The following KCNH1 variants were observed in gnomAD, a reference collection of about 807,000 sequenced individuals.
KCNH1 encodes the protein potassium voltage-gated channel subfamily H member 1, also known as voltage-gated delayed rectifier potassium channel KCNH1.
Under a neutral mutation model 69.2 loss-of-function variants are expected in KCNH1, and 27 were observed. That is an observed-to-expected ratio of 0.39 (90% CI 0.29 to 0.54). KCNH1 has a LOEUF of 0.54. Ranked by LOEUF, KCNH1 falls within the 20% of genes least tolerant of loss-of-function variation. The probability of loss-of-function intolerance (pLI) is 0.68; values close to 1 mark genes in which losing one functional copy is unlikely to be tolerated. For missense variants in KCNH1, 798 were observed against 1,261.6 expected, an observed-to-expected ratio of 0.63 and a Z score of 5.57; for synonymous variants, 456 against 487.7, an observed-to-expected ratio of 0.93 and a Z score of 0.86.
At chr1:211,068,130 G>C (rs1223692595) in intron 5 of KCNH1, among the ~76,000 whole-genome samples, 2 of 152,194 alleles carry the variant, frequency 1.3e-5, no homozygotes, top group Non-Finnish European at 2.9e-5. Context: ...ATACAAAATT[G>C]CTATTCTCAG....
chr1:211,126,156 G>A (rs1691772764), intron 1 of KCNH1, among the ~76,000 whole-genome samples: 1 of 151,870 alleles, frequency 6.6e-6, no homozygotes, highest in African/African-American at 2.4e-5. Context: ...CTTGAGCCCA[G>A]GAGTTCAAGA....
At chr1:210,860,764 A>G (rs762328131) in intron 7 of KCNH1, 40 of 799,358 alleles carry the variant, frequency 5.0e-5, no homozygotes, top group Admixed American at 3.1e-4. Context: ...TCTGTCATCA[A>G]TCAGACATCT....
intron 10 of KCNH1, among the ~76,000 whole-genome samples, chr1:210,696,502 C>T (rs4951765): frequency 2.6e-5 from 4 of 151,956 alleles, no homozygotes; most frequent in South Asian, 2.1e-4. Flanking sequence ...TGCAGGAGGG[C>T]GCTCCGGTTC....
chr1:210,892,278 A>C (rs1686766643), intron 7 of KCNH1, among the ~76,000 whole-genome samples: 1 of 151,864 alleles, frequency 6.6e-6, no homozygotes. Context: ...GGATGCCTGA[A>C]ACTCATTTCT....
intron 7 of KCNH1, among the ~76,000 whole-genome samples, chr1:210,820,055 A>T (rs1684898194): frequency 6.6e-6 from 1 of 152,166 alleles, no homozygotes; most frequent in Admixed American, 6.5e-5. Flanking sequence ...GGCTGCTCCC[A>T]AATTCTTCAT....
At chr1:210,753,937 T>C (rs1683337184) in intron 10 of KCNH1, among the ~76,000 whole-genome samples, 2 of 150,304 alleles carry the variant, frequency 1.3e-5, no homozygotes, top group Admixed American at 6.6e-5. Context: ...CTTTTTGAGA[T>C]GGAGTCTCGC....
In KCNH1 at chr1:211,107,286, C is replaced by T. The variant is rs1192843533; in HGVS notation, c.171G>A (p.Arg57=). ...TGCTGCTTTTTTGCATCACTTCTGCCCTGTGATAGCCAGACAGCTTGCAAA... is the reference window on the plus strand; with the variant it reads ...TGCTGCTTTTTTGCATCACTTCTGCTCTGTGATAGCCAGACAGCTTGCAAA... ...DGFCKLSGYH[R]AEVMQKSSTC... The change falls in exon 2 of 11, where the codon AGG becomes AGA. Residue 57 remains arginine, a synonymous_variant. Coordinates refer to ENST00000271751, the MANE Select transcript of KCNH1 (RefSeq NM_172362.3). The T allele has an allele frequency of 1.2e-6, 2 of 1,613,632 alleles. No homozygotes were observed. Among genetic ancestry groups the T allele is most frequent in the African/African-American group, 2.7e-5 (2 of 74,788 alleles).
intron 10 of KCNH1, among the ~76,000 whole-genome samples, chr1:210,762,441 G>A (rs1683541757): frequency 6.6e-6 from 1 of 152,050 alleles, no homozygotes; most frequent in Admixed American, 6.5e-5. Flanking sequence ...ACAGAAGGTT[G>A]GTTCTTCGAA....
intron 5 of KCNH1, among the ~76,000 whole-genome samples, chr1:211,034,646 TAAA>T (rs1689861037): frequency 6.6e-6 from 1 of 152,250 alleles, no homozygotes; most frequent in African/African-American, 2.4e-5. Context: ...TATCTCAAAA[TAAA>T]AAATTTAGTT....
At chr1:210,805,987 T>C (rs1340255461) in intron 7 of KCNH1, among the ~76,000 whole-genome samples, 3 of 152,266 alleles carry the variant, frequency 2.0e-5, no homozygotes, top group Admixed American at 6.5e-5. Context: ...CATCAGTTCA[T>C]GGGCATTTGG....
At chr1:211,108,244 A>G (rs188428304) in intron 1 of KCNH1, among the ~76,000 whole-genome samples, 4 of 152,206 alleles carry the variant, frequency 2.6e-5, no homozygotes, top group Non-Finnish European at 5.9e-5. Flanking sequence ...TCAATTAAGC[A>G]AATAACATCC....
At chr1:210,859,777 C>T in intron 7 of KCNH1, 1 of 1,014,106 alleles carries the variant, frequency 9.9e-7, no homozygotes, top group Non-Finnish European at 1.6e-6. Flanking sequence ...ACTGAGAACA[C>T]ACATCCTTCT....
At chr1:211,071,569 A>G (rs375155406) in intron 5 of KCNH1, among the ~76,000 whole-genome samples, 2 of 152,368 alleles carry the variant, frequency 1.3e-5, no homozygotes, top group East Asian at 3.9e-4. Flanking sequence ...TTAATACTGC[A>G]TCTTTACGTC....
intron 5 of KCNH1, among the ~76,000 whole-genome samples, chr1:211,069,783 T>C (rs1031196481): frequency 2.6e-5 from 4 of 152,248 alleles, no homozygotes; most frequent in African/African-American, 7.2e-5. Flanking sequence ...TATGATTTAA[T>C]ATTGCATCTT....
chr1:210,987,850 C>T (rs573925753), intron 6 of KCNH1, among the ~76,000 whole-genome samples: 30 of 152,308 alleles, frequency 2.0e-4, no homozygotes, highest in Non-Finnish European at 3.1e-4. Context: ...GTTACTGCTG[C>T]CTTTTGATTG....
chr1:210,761,963 G>A (rs913786054), intron 10 of KCNH1, among the ~76,000 whole-genome samples: 1 of 152,034 alleles, frequency 6.6e-6, no homozygotes, highest in African/African-American at 2.4e-5. Flanking sequence ...ATCTGCACAT[G>A]GAACGTACTC....
At chr1:210,796,556 C>A (rs892401314) in intron 9 of KCNH1, among the ~76,000 whole-genome samples, 1 of 152,150 alleles carries the variant, frequency 6.6e-6, no homozygotes, top group African/African-American at 2.4e-5. Context: ...CACGTTCCCC[C>A]GCATCCCTGC....
intron 7 of KCNH1, among the ~76,000 whole-genome samples, chr1:210,905,763 C>G (rs1249220525): frequency 2.6e-5 from 4 of 152,086 alleles, no homozygotes; most frequent in African/African-American, 9.7e-5. Context: ...GAAATGTAAG[C>G]TCTGTTTCTT....
At chr1:210,866,124 G>A (rs1686103661) in intron 7 of KCNH1, among the ~76,000 whole-genome samples, 1 of 152,108 alleles carries the variant, frequency 6.6e-6, no homozygotes, top group Admixed American at 6.6e-5. Context: ...ACTCAAAATG[G>A]ATGATAGTCT....
Sources: gnomAD v4.1 joint callset for allele counts (sites outside exome capture counted in the v4.1 genomes callset) on GRCh38, gnomAD v4.1.1 for gene constraint, MANE v1.5 for transcripts, NCBI Gene and HGNC (gene_info 2026-07-23, HGNC 2026-07-21) for gene names.